Variants in ZNF131 observed in about 807,000 individuals in gnomAD.
The protein encoded by ZNF131 is zinc finger and BTB domain containing 35, also known as zinc finger protein 131.
In ZNF131, 7 loss-of-function variants were observed where a neutral mutation model predicts 60.0. The observed-to-expected ratio is 0.12, with a 90% confidence interval of 0.07 to 0.22. The LOEUF (loss-of-function observed/expected upper bound fraction) is 0.22. Ranked by LOEUF, ZNF131 falls within the 10% of genes least tolerant of loss-of-function variation. The probability of loss-of-function intolerance (pLI) is 1.00; values close to 1 mark genes in which losing one functional copy is unlikely to be tolerated. For missense variants in ZNF131, 493 were observed against 740.9 expected, an observed-to-expected ratio of 0.67 and a Z score of 3.88; for synonymous variants, 257 against 253.2, an observed-to-expected ratio of 1.01 and a Z score of -0.14.
intron 4 of ZNF131, among the ~76,000 whole-genome samples, chr5:43,147,365 T>C (rs1053294100): frequency 2.0e-5 from 3 of 152,092 alleles, no homozygotes; most frequent in African/African-American, 7.2e-5. Context: ...ATGTTTAACT[T>C]TGGAAAACAG....
At chr5:43,162,602 AAAAG>A (rs1345786173) in intron 5 of ZNF131, among the ~76,000 whole-genome samples, 2 of 145,590 alleles carry the variant, frequency 1.4e-5, no homozygotes, top group Non-Finnish European at 3.0e-5. Context: ...AAAAAAAAAA[AAAAG>A]AAAAGAAAAA....
intron 4 of ZNF131, among the ~76,000 whole-genome samples, chr5:43,144,233 CTTTCTTTTTTTTT>C (rs1579793377): frequency 2.4e-5 from 2 of 82,432 alleles, no homozygotes; most frequent in South Asian, 3.7e-4. Context: ...TTTTTTCTTT[CTTTCTTTTTTTTT>C]TTTTTTTTTT....
chr5:43,149,753 TA>T lies in ZNF131; in HGVS notation c.371+10447del, dbSNP rs527259880. ...CTGGGCTGGTGGGTATATGGTGATT[TA>T]AATTTGCATTTCTCTAATGACTAAT... On this transcript the variant is annotated intron_variant, in intron 4 of 6. Transcript: ENST00000682664. 9.2e-5 allele frequency among the ~76,000 whole-genome samples: 14 copies of T among 152,322 alleles called. No homozygotes were observed. The East Asian group carries it at 1.7e-3, about 19-fold the overall frequency.
At chr5:43,143,928 T>C (rs1474208058) in intron 4 of ZNF131, among the ~76,000 whole-genome samples, 10 of 116,132 alleles carry the variant, frequency 8.6e-5, no homozygotes, top group South Asian at 3.4e-4. Context: ...TTTTTTTTTT[T>C]TTTTTTTTCC....
At chr5:43,163,498 A>T (rs942823452) in intron 5 of ZNF131, among the ~76,000 whole-genome samples, 13 of 152,188 alleles carry the variant, frequency 8.5e-5, no homozygotes, top group African/African-American at 3.1e-4. Flanking sequence ...CGCCCCACAT[A>T]GTTCTTCATC....
At chr5:43,123,166 C>T (rs763477161) in intron 2 of ZNF131, 43 bp from the exon 3 acceptor site, 336 of 1,483,584 alleles carry the variant, frequency 2.3e-4, no homozygotes, top group South Asian at 8.6e-4. Context: ...ATTTGATTTT[C>T]GTGCTTGTGT....
intron 4 of ZNF131, among the ~76,000 whole-genome samples, chr5:43,157,191 T>C (rs1190058039): frequency 6.6e-6 from 1 of 152,212 alleles, no homozygotes; most frequent in Non-Finnish European, 1.5e-5. Flanking sequence ...AACCTTTTAC[T>C]GTCCTCCAAA....
chr5:43,170,414 G>C (rs1358484610), intron 5 of ZNF131, among the ~76,000 whole-genome samples: 1 of 152,134 alleles, frequency 6.6e-6, no homozygotes, highest in Non-Finnish European at 1.5e-5. Context: ...TTCCATCCTG[G>C]AATCATTCAG....
chr5:43,136,027 A>G (rs986359158), intron 3 of ZNF131, among the ~76,000 whole-genome samples: 1 of 152,142 alleles, frequency 6.6e-6, no homozygotes, highest in East Asian at 1.9e-4. Flanking sequence ...AGGAAGGAGA[A>G]TCGCTTGAAC....
intron 4 of ZNF131, among the ~76,000 whole-genome samples, chr5:43,159,935 G>A (rs1749438129): frequency 1.3e-5 from 2 of 151,934 alleles, no homozygotes; most frequent in Admixed American, 6.6e-5. Context: ...AGCACTTTGG[G>A]GGAGGCCAAG....
intron 1 of ZNF131, 146 bp from the exon 2 acceptor site, chr5:43,121,893 T>C: frequency 1.1e-6 from 1 of 908,926 alleles, no homozygotes; most frequent in Non-Finnish European, 1.5e-6. Context: ...CGGCTCGCCT[T>C]TCTTCCCTCG....
Position 43,161,810 on chromosome 5 carries a change from C to T in ZNF131, c.933C>T (p.His311=). ...GGAAACAGCACCTAAATTGTTACCA[C>T]CTTGAAGAAGGTGGAGTCAGTAAGA... ...SAWKQHLNCY[H]LEEGGVSKKQ... Residue 311 remains histidine, a synonymous_variant, in exon 5 of 7, where the codon CAC becomes CAT. Transcript: ENST00000682664. The T allele has an allele frequency of 6.2e-7, 1 of 1,614,132 alleles. No individual in the cohort carries two copies. The highest frequency in any genetic ancestry group is 8.5e-7 in the Non-Finnish European group (1 of 1,180,032).
At chr5:43,125,251 TCTTC>T (rs1398466609) in intron 3 of ZNF131, among the ~76,000 whole-genome samples, 2 of 151,994 alleles carry the variant, frequency 1.3e-5, no homozygotes, top group Non-Finnish European at 2.9e-5. Flanking sequence ...AGTGGTTTGG[TCTTC>T]CTTAGGAAAG....
At chr5:43,159,920 A>G (rs1749434571) in intron 4 of ZNF131, among the ~76,000 whole-genome samples, 1 of 152,018 alleles carries the variant, frequency 6.6e-6, no homozygotes. Flanking sequence ...CACGCCTGTA[A>G]TCCCAGCACT....
intron 3 of ZNF131, among the ~76,000 whole-genome samples, chr5:43,125,725 G>A (rs72748885): frequency 4.6e-5 from 7 of 151,658 alleles, no homozygotes; most frequent in African/African-American, 1.5e-4. Flanking sequence ...AGGTTGTAGC[G>A]AGCTGAGTCA....
Position 43,161,813 on chromosome 5 carries a change from TGAA to T in ZNF131, c.941_943del (p.Glu314del), listed in dbSNP as rs2111956002. 6.2e-6 allele frequency: 10 copies of T among 1,614,200 alleles called. No homozygotes were observed. Among genetic ancestry groups the T allele is most frequent in the East Asian group, 2.2e-5 (1 of 44,884 alleles). On this transcript the variant is annotated inframe_deletion, in exon 5 of 7. Coordinates refer to ENST00000682664, the MANE Select transcript of ZNF131 (RefSeq NM_001330707.2). Reference sequence around the variant, plus strand: ...AACAGCACCTAAATTGTTACCACCTTGAAGAAGGTGGAGTCAGTAAGAAGCAAA... The same window carrying T: ...AACAGCACCTAAATTGTTACCACCTTGAAGGTGGAGTCAGTAAGAAGCAAA...
intron 5 of ZNF131, among the ~76,000 whole-genome samples, 195 bp downstream of exon 5, chr5:43,162,126 G>A (rs1749757069): frequency 6.6e-6 from 1 of 152,030 alleles, no homozygotes; most frequent in African/African-American, 2.4e-5. Context: ...TATCAACTTT[G>A]GAAGTAATTG....
Position 43,161,405 on chromosome 5 carries a change from C to T in ZNF131, c.528C>T (p.Thr176=). The T allele has an allele frequency of 6.2e-7, 1 of 1,614,222 alleles. No homozygotes were observed. The highest frequency in any genetic ancestry group is 1.3e-5 in the African/African-American group (1 of 75,068). ...VEIEVEIAEG[T]IEVEDEGIET... ...TTGAGGTAGAGATTGCCGAAGGCAC[C>T]ATTGAAGTGGAAGATGAAGGCATCG... Residue 176 remains threonine (T), a synonymous_variant, in exon 5 of 7, where the codon ACC becomes ACT. Coordinates refer to ENST00000682664, the MANE Select transcript of ZNF131 (RefSeq NM_001330707.2).
intron 5 of ZNF131, among the ~76,000 whole-genome samples, chr5:43,163,757 C>T (rs2111991970): frequency 6.6e-6 from 1 of 152,318 alleles, no homozygotes; most frequent in South Asian, 2.1e-4. Flanking sequence ...GTGGTTAAGG[C>T]TGTTTAGACT....
Sources: allele counts gnomAD v4.1 joint callset (sites outside exome capture counted in the v4.1 genomes callset), GRCh38; gene constraint gnomAD v4.1.1; transcripts MANE v1.5; gene names NCBI Gene and HGNC (gene_info 2026-07-23, HGNC 2026-07-21).